The following TMPRSS13 variants were observed in gnomAD, a reference collection of about 807,000 sequenced individuals.
The protein encoded by TMPRSS13 is transmembrane protease serine 13.
TMPRSS13 carries 50 observed loss-of-function variants against 68.4 expected under a neutral mutation model. The observed-to-expected ratio is 0.73, with a 90% CI of 0.58 to 0.93. The LOEUF is 0.93. Among genes scored for constraint, TMPRSS13 ranks in the 40% least tolerant of loss-of-function variants. TMPRSS13 has a pLI of 0.00. For missense variants in TMPRSS13, 615 were observed against 729.2 expected (o/e 0.84, Z 1.80); for synonymous variants, 267 against 285.8 (o/e 0.93, Z 0.66).
intron 1 of TMPRSS13, among the ~76,000 whole-genome samples, chr11:117,925,151 G>A (rs1021499362): frequency 6.6e-6 from 1 of 152,226 alleles, no homozygotes; most frequent in African/African-American, 2.4e-5. Context: ...CCAGCTGGTG[G>A]GGACTGTGGT....
At chr11:117,925,949 C>T (rs571881407) in intron 1 of TMPRSS13, among the ~76,000 whole-genome samples, 3 of 152,386 alleles carry the variant, frequency 2.0e-5, no homozygotes, top group Admixed American at 2.0e-4. Flanking sequence ...AAGTCTGCTC[C>T]TCACCAATGA....
At position 117,914,251 on chromosome 11, in the gene TMPRSS13, A is replaced by C; in HGVS notation, c.679+141T>G. The C allele has an allele frequency of 8.6e-7, 1 of 1,166,204 alleles. No homozygotes were observed. Among genetic ancestry groups the C allele is most frequent in the Non-Finnish European group, 1.2e-6 (1 of 806,134 alleles). 72.2% of individuals were successfully genotyped at this position (1,166,204 alleles called of 1,614,324 possible). A position where few individuals can be genotyped will look rare whatever the true frequency, so the allele number is the denominator to read the frequency against. ...CATACGTGCACACACACATACATGCATACACACAAACATGCACATACACAC... is the reference window on the plus strand; with the variant it reads ...CATACGTGCACACACACATACATGCCTACACACAAACATGCACATACACAC... On this transcript the variant is annotated intron_variant, in intron 4 of 12. Coordinates refer to ENST00000524993, the MANE Select transcript of TMPRSS13 (RefSeq NM_001077263.3). This position sits in a 1 kb window ranked among gnomAD's most constrained non-coding sequence, Gnocchi z 4.2.
intron 1 of TMPRSS13, among the ~76,000 whole-genome samples, chr11:117,924,395 A>G (rs2057681298): frequency 6.6e-6 from 1 of 152,074 alleles, no homozygotes; most frequent in African/African-American, 2.4e-5. Context: ...TCCATGAGAA[A>G]GGACCCTTCC....
chr11:117,903,115 G>GA, intron 12 of TMPRSS13: 1 of 1,262,022 alleles, frequency 7.9e-7, no homozygotes, highest in Non-Finnish European at 1.0e-6. Context: ...TTTTAAGTGG[G>GA]AAAGGGAAAG....
At chr11:117,912,926 G>C (rs1027328389) in intron 5 of TMPRSS13, among the ~76,000 whole-genome samples, 1 of 152,158 alleles carries the variant, frequency 6.6e-6, no homozygotes, top group Non-Finnish European at 1.5e-5. Context: ...CTTGCATAAG[G>C]CCACACAACT....
chr11:117,904,573 G>A (rs1400364134), intron 10 of TMPRSS13, among the ~76,000 whole-genome samples: 2 of 152,054 alleles, frequency 1.3e-5, no homozygotes, highest in Non-Finnish European at 2.9e-5. Flanking sequence ...GAAGTAGGCT[G>A]CACCCACATC....
At position 117,914,280 on chromosome 11, in the gene TMPRSS13, T is replaced by C; in HGVS notation, c.679+112A>G. 1.4e-6 allele frequency: 2 copies of C among 1,414,366 alleles called. No individual in the cohort carries two copies. The highest frequency in any genetic ancestry group is 3.4e-5 in the Admixed American group (2 of 58,278). The allele number at this position is 1,414,366 out of a possible 1,614,324, so 87.6% of individuals were successfully genotyped here. The stretch of plus-strand genomic sequence containing the variant: ...ACACAAACATGCACATACACACACA[T>C]GCACGCACACATATACACACACAGG... On this transcript the variant is annotated intron_variant, in intron 4 of 12. Coordinates refer to ENST00000524993, the MANE Select transcript of TMPRSS13 (RefSeq NM_001077263.3). The surrounding 1 kb of genome is among the most constrained non-coding windows in gnomAD (Gnocchi z 4.2).
chr11:117,927,036 A>C (rs762183126), intron 1 of TMPRSS13, among the ~76,000 whole-genome samples: 3 of 152,250 alleles, frequency 2.0e-5, no homozygotes, highest in Non-Finnish European at 4.4e-5. Flanking sequence ...TTCTCTGTAC[A>C]TAATGAACTA....
At chr11:117,912,672 G>A (rs1258853738) in intron 5 of TMPRSS13, among the ~76,000 whole-genome samples, 1 of 152,130 alleles carries the variant, frequency 6.6e-6, no homozygotes, top group African/African-American at 2.4e-5. Context: ...GTGCAGTTAG[G>A]CACCCTCTCC....
At position 117,915,946 on chromosome 11, in the gene TMPRSS13, G is replaced by A. The variant is rs917213314; in HGVS notation, c.556+1224C>T. 6.6e-6 allele frequency among the ~76,000 whole-genome samples: 1 copy of A among 152,142 alleles called. No homozygotes were observed. The highest frequency in any genetic ancestry group is 1.5e-5 in the Non-Finnish European group (1 of 68,020). On this transcript the variant is annotated intron_variant, in intron 3 of 12. Coordinates refer to ENST00000524993, the MANE Select transcript of TMPRSS13 (RefSeq NM_001077263.3). This position sits in a 1 kb window ranked among gnomAD's most constrained non-coding sequence, Gnocchi z 4.9. ...AAAGACCACCCCACCCAGTCAGACT[G>A]GTGGGGAAACTGAGGCTCAGAATGT...
At chr11:117,905,288 C>T (rs67422215) in intron 10 of TMPRSS13, among the ~76,000 whole-genome samples, 20,412 of 151,954 alleles carry the variant, frequency 0.13, 1,511 homozygotes, top group African/African-American at 0.18. Context: ...CCTCCCCAAG[C>T]CACCTAAATC....
Position 117,900,861 on chromosome 11 carries a change from T to A in TMPRSS13, c.*1378A>T, listed in dbSNP as rs1434363347. On this transcript the variant is annotated 3_prime_UTR_variant, in exon 13 of 13. Transcript: ENST00000524993. ...TGGGCTGATCTGCTTGGATCCTGCC[T>A]CTGAGAAGCACAGCACCACAAAAGA... The A allele has an allele frequency of 6.6e-6, 1 of 152,268 alleles. No individual in the cohort carries two copies. Among genetic ancestry groups the A allele is most frequent in the Non-Finnish European group, 1.5e-5 (1 of 68,126 alleles). The allele number at this position is 152,268 out of a possible 1,614,324, so 9.4% of individuals were successfully genotyped here. A position where few individuals can be genotyped will look rare whatever the true frequency, so the allele number is the denominator to read the frequency against.
At position 117,918,611 on chromosome 11, in the gene TMPRSS13, CTGGG is replaced by C. The variant is rs759072666; in HGVS notation, c.245_248del (p.Ala82GlyfsTer30). On this transcript the variant is annotated frameshift_variant, in exon 2 of 13. Coordinates refer to ENST00000524993, the MANE Select transcript of TMPRSS13 (RefSeq NM_001077263.3). LOFTEE classifies it high-confidence loss of function. ...CCGGAGATGCCCGGGCTGGAGATGC[CTGGG>C]CTGGAGATGCCTGGGCTGGAGATGC... The C allele has an allele frequency of 4.7e-5, 5 of 105,306 alleles. No individual in the cohort carries two copies. The highest frequency in any genetic ancestry group is 5.9e-4 in the Admixed American group (1 of 1,688). 6.5% of individuals were successfully genotyped at this position (105,306 alleles called of 1,614,324 possible).
At chr11:117,926,672 C>T (rs528952306) in intron 1 of TMPRSS13, among the ~76,000 whole-genome samples, 6 of 152,262 alleles carry the variant, frequency 3.9e-5, no homozygotes, top group East Asian at 1.9e-4. Flanking sequence ...TCTGGTGTGG[C>T]GCACCTGTCA....
At chr11:117,910,676 T>G in intron 7 of TMPRSS13, 31 bp downstream of exon 7, 12 of 1,599,654 alleles carry the variant, frequency 7.5e-6, no homozygotes, top group Non-Finnish European at 9.4e-6. Context: ...CACACGACAC[T>G]GGCCACAATC....
At position 117,913,926 on chromosome 11, in the gene TMPRSS13, C is replaced by A; in HGVS notation, c.680-20G>T. On this transcript the variant is annotated intron_variant, in intron 4 of 12. Coordinates refer to ENST00000524993, the MANE Select transcript of TMPRSS13 (RefSeq NM_001077263.3). ...ACCTCACTGCAGGGCAAGAAAAAGGCAGAGCAGGTCCTCAGCACCTAGGAA... is the reference window on the plus strand; with the variant it reads ...ACCTCACTGCAGGGCAAGAAAAAGGAAGAGCAGGTCCTCAGCACCTAGGAA... The A allele has an allele frequency of 6.2e-7, 1 of 1,611,530 alleles. No individual in the cohort carries two copies. Among genetic ancestry groups the A allele is most frequent in the Non-Finnish European group, 8.5e-7 (1 of 1,178,698 alleles).
rs183011431 is a variant in TMPRSS13, at chr11:117,915,741, G to T, written c.557-1227C>A. Among the ~76,000 whole-genome samples the T allele has an allele frequency of 7.5e-4, 115 of 152,332 alleles. No individual in the cohort carries two copies. The highest frequency in any genetic ancestry group is 2.7e-3 in the African/African-American group (111 of 41,566). On this transcript the variant is annotated intron_variant, in intron 3 of 12. Transcript: ENST00000524993. This position sits in a 1 kb window ranked among gnomAD's most constrained non-coding sequence, Gnocchi z 4.9. The stretch of plus-strand genomic sequence containing the variant: ...TTTTGGGAACTTCAGGAAATGCTGT[G>T]AAACCACGCTGAGAGCTTTAGTTCT...
At position 117,918,518 on chromosome 11, in the gene TMPRSS13, G is replaced by A. The variant is rs779311365; in HGVS notation, c.342C>T (p.Thr114=). 1 of 1,614,216 alleles carries A rather than the reference G, an allele frequency of 6.2e-7. No homozygotes were observed. ...TAACAAGGTACACTCTGGTTGGGGAGGTTGTCACCGAGGCTGACCTGGCGG... is the reference window on the plus strand; with the variant it reads ...TAACAAGGTACACTCTGGTTGGGGAAGTTGTCACCGAGGCTGACCTGGCGG... ...SSSARSASVT[T]SPTRVYLVRA... The change falls in exon 2 of 13, where the codon ACC becomes ACT. Residue 114 remains threonine, a synonymous_variant. Transcript: ENST00000524993.
rs892399540 is a variant in TMPRSS13 at position 117,902,255 on chromosome 11, C to T, written c.1688G>A (p.Arg563Gln). ...GCCAGCTGGTTAGGATTTTCTGAAT[C>T]GCACCTCGCTCTGAGGAAGAGAATG... Reference protein sequence around the residue: ...WIYSKMESEVRFRKS With the variant: ...WIYSKMESEVQFRKS Residue 563 changes from arginine to glutamine, a missense_variant, in exon 13 of 13, where the codon CGA becomes CAA. Coordinates refer to ENST00000524993, the MANE Select transcript of TMPRSS13 (RefSeq NM_001077263.3). The T allele has an allele frequency of 4.3e-6, 7 of 1,613,404 alleles. No individual in the cohort carries two copies. The highest frequency in any genetic ancestry group is 1.7e-4 in the Middle Eastern group (1 of 6,056).
Sources: allele counts gnomAD v4.1 joint callset (sites outside exome capture counted in the v4.1 genomes callset), GRCh38; gene constraint gnomAD v4.1.1; non-coding constraint Gnocchi (gnomAD v3.1); transcripts MANE v1.5; gene names NCBI Gene and HGNC (gene_info 2026-07-23, HGNC 2026-07-21).